RHOT2: variants seen among roughly 807,000 people sequenced by gnomAD.
The protein encoded by RHOT2 is ras homolog family member T2.
In RHOT2, 90 loss-of-function variants were observed where a neutral mutation model predicts 81.6. The ratio of observed to expected loss-of-function variants is 1.10; its 90% CI spans 0.93 to 1.31. The LOEUF (loss-of-function observed/expected upper bound fraction) is 1.31. Ranked by LOEUF, RHOT2 falls within the 40% of genes most tolerant of loss-of-function variation. RHOT2 has a pLI of 0.00. For missense variants in RHOT2, 1,014 were observed against 841.9 expected (o/e 1.20, Z -2.53); for synonymous variants, 512 against 370.9 (o/e 1.38, Z -4.37).
intron 11 of RHOT2, chr16:671,434 A>C: frequency 1.4e-6 from 1 of 704,796 alleles, no homozygotes; most frequent in Admixed American, 3.1e-5. Flanking sequence ...GCCCTTTGCC[A>C]ACCCCGCTCG....
Position 668,529 on chromosome 16 carries a change from C to T in RHOT2, c.138C>T (p.Val46=). The change falls in exon 3 of 19, where the codon GTC becomes GTT. Residue 46 remains valine, a synonymous_variant. Transcript: ENST00000315082. ...RAEEITIPAD[V]TPEKVPTHIV... ...AGGAGATCACCATCCCCGCGGACGT[C>T]ACCCCGGAGAAGGTGCCCACCCACA... The T allele has an allele frequency of 6.2e-7, 1 of 1,610,180 alleles. No homozygotes were observed. The highest frequency in any genetic ancestry group is 1.3e-5 in the African/African-American group (1 of 74,800).
In RHOT2 at chr16:673,179, G is replaced by A. The variant is rs758749544; in HGVS notation, c.1730+49G>A. On this transcript the variant is annotated intron_variant, in intron 18 of 18. Coordinates refer to ENST00000315082, the MANE Select transcript of RHOT2 (RefSeq NM_138769.3). Reference sequence around the variant, plus strand: ...TGGGGACTAGCAGTGTCTGTCATCCGAGCAGTGGGCAGCGGTGGTGTCAGG... The same window carrying A: ...TGGGGACTAGCAGTGTCTGTCATCCAAGCAGTGGGCAGCGGTGGTGTCAGG... 35 of 1,575,262 alleles carry A rather than the reference G, an allele frequency of 2.2e-5. No homozygotes were observed. The South Asian group carries it at 2.2e-4, about 10-fold the overall frequency.
rs2038359852 is a variant in RHOT2 at position 668,704 on chromosome 16, C to T, written c.222+5C>T. Reference sequence around the variant, plus strand: ...CTGCGGGAGGAGATCCACAAGGTACCCGTGGTGCGCGGGACGAGGGAGGGG... The same window carrying T: ...CTGCGGGAGGAGATCCACAAGGTACTCGTGGTGCGCGGGACGAGGGAGGGG... On this transcript the variant is annotated splice_donor_5th_base_variant and intron_variant, in intron 4 of 18. Transcript: ENST00000315082. 7.5e-6 allele frequency: 12 copies of T among 1,593,672 alleles called. No homozygotes were observed. The highest frequency in any genetic ancestry group is 2.3e-5 in the South Asian group (2 of 88,548).
In RHOT2 at chr16:670,051, CAGGCTCATGCTCCAGCT is replaced by C; in HGVS notation, c.277-71_277-55del. The C allele has an allele frequency of 2.8e-6, 4 of 1,411,658 alleles. No individual in the cohort carries two copies. The South Asian group carries it at 5.5e-5, about 19-fold the overall frequency. 87.4% of individuals were successfully genotyped at this position (1,411,658 alleles called of 1,614,324 possible). ...CCTCCCCCTTCTGCTCTCCCCCAGC[CAGGCTCATGCTCCAGCT>C]GGGAGCCATGTGCCCGCGGGCAGCC... On this transcript the variant is annotated intron_variant, in intron 5 of 18. Coordinates refer to ENST00000315082, the MANE Select transcript of RHOT2 (RefSeq NM_138769.3).
intron 4 of RHOT2, chr16:668,913 C>T: frequency 1.8e-6 from 1 of 541,296 alleles, no homozygotes; most frequent in Non-Finnish European, 3.2e-6. Context: ...CAGGACCCTT[C>T]CCCGCGGGCT....
chr16:668,722 G>A (rs1406939489), intron 4 of RHOT2, 23 bp downstream of exon 4: 5 of 1,575,816 alleles, frequency 3.2e-6, no homozygotes, highest in African/African-American at 1.4e-5. Flanking sequence ...CGCGGGACGA[G>A]GGAGGGGCTG....
Position 672,502 on chromosome 16 carries a change from G to A in RHOT2, c.1340G>A (p.Arg447Lys), listed in dbSNP as rs759571320. Reference sequence around the variant, plus strand: ...CACCTCCCTCAGCACCAGGACACGAGGGAGCAGCCTCCCGGCTACGCCATC... The same window carrying A: ...CACCTCCCTCAGCACCAGGACACGAAGGAGCAGCCTCCCGGCTACGCCATC... ...LGRGLGHQDT[R>K]EQPPGYAIDT... The change falls in exon 16 of 19, where the codon AGG (arginine) becomes AAG (lysine). Residue 447 changes from arginine to lysine, a missense_variant. Arg to Lys is a conservative substitution (Grantham distance 26). Coordinates refer to ENST00000315082, the MANE Select transcript of RHOT2 (RefSeq NM_138769.3). The A allele has an allele frequency of 1.2e-6, 2 of 1,612,588 alleles. No individual in the cohort carries two copies. The highest frequency in any genetic ancestry group is 1.1e-5 in the South Asian group (1 of 91,082).
In RHOT2 at chr16:671,719, A is replaced by C; in HGVS notation, c.892A>C (p.Ser298Arg). 2 of 1,612,364 alleles carry C rather than the reference A, an allele frequency of 1.2e-6. No homozygotes were observed. The highest frequency in any genetic ancestry group is 1.7e-6 in the Non-Finnish European group (2 of 1,179,702). Residue 298 changes from serine to arginine, a missense_variant, in exon 12 of 19, where the codon AGC (serine) becomes CGC (arginine). Ser to Arg is a moderately radical substitution (Grantham distance 110). Coordinates refer to ENST00000315082, the MANE Select transcript of RHOT2 (RefSeq NM_138769.3). ...CAGGATCCACGTGCCCCCCGGCTGC[A>C]GCACGGAGCTCAACCACCTTGGCTA... ...SPLIHVPPGC[S>R]TELNHLGYQF...
chr16:671,242 G>A (rs752355363), intron 11 of RHOT2, 39 bp downstream of exon 11: 2 of 1,516,186 alleles, frequency 1.3e-6, no homozygotes, highest in Non-Finnish European at 1.8e-6. Flanking sequence ...CCTCCCCGAG[G>A]GTCAGGAGCT....
rs774160110 is a variant in RHOT2, at chr16:673,041, G to C, written c.1641G>C (p.Arg547=). The C allele has an allele frequency of 2.3e-5, 37 of 1,612,090 alleles. No individual in the cohort carries two copies. The Middle Eastern group carries it at 2.1e-3, about 93-fold the overall frequency. ...CGGCCGAGTTTTGCCGCAAGCACCG[G>C]CTACCCGCTCCCGTGCCGTTCTCCT... is the stretch of plus-strand genomic sequence containing the variant. ...PSPAEFCRKH[R]LPAPVPFSCA... Residue 547 remains arginine, a synonymous_variant, in exon 18 of 19, where the codon CGG becomes CGC. Coordinates refer to ENST00000315082, the MANE Select transcript of RHOT2 (RefSeq NM_138769.3).
chr16:669,489 C>T lies in RHOT2; in HGVS notation c.223-64C>T, dbSNP rs534159522. ...CCTGGAGCCTCGAGATGGCGTGGAA[C>T]GGCCAGGGTCGTCGGTGGTGAGCCA... On this transcript the variant is annotated intron_variant, in intron 4 of 18. Coordinates refer to ENST00000315082, the MANE Select transcript of RHOT2 (RefSeq NM_138769.3). The T allele has an allele frequency of 1.3e-4, 198 of 1,543,560 alleles. 1 individual carries two copies. The East Asian group carries it at 3.9e-3, about 31-fold the overall frequency.
intron 4 of RHOT2, chr16:669,337 G>T: frequency 5.0e-6 from 3 of 595,864 alleles, no homozygotes; most frequent in South Asian, 3.9e-5. Context: ...GGGTTCAGCA[G>T]CAGCTCCCAG....
rs1378499680 is a variant in RHOT2, at chr16:674,061, G to A, written c.*455G>A. The A allele has an allele frequency of 2.0e-5, 5 of 246,662 alleles. No homozygotes were observed. The highest frequency in any genetic ancestry group is 5.3e-5 in the Admixed American group (1 of 19,010). 15.3% of individuals were successfully genotyped at this position (246,662 alleles called of 1,614,324 possible). A position where few individuals can be genotyped will look rare whatever the true frequency, so the allele number is the denominator to read the frequency against. ...GGGGTCCCCCCTCAAGTTTGGAGCCGTTTCCGTGGTTGTAGCAGAGGACCG... is the reference window on the plus strand; with the variant it reads ...GGGGTCCCCCCTCAAGTTTGGAGCCATTTCCGTGGTTGTAGCAGAGGACCG... On this transcript the variant is annotated 3_prime_UTR_variant, in exon 19 of 19. Coordinates refer to ENST00000315082, the MANE Select transcript of RHOT2 (RefSeq NM_138769.3).
intron 11 of RHOT2, 100 bp downstream of exon 11, chr16:671,303 GCCCT>G: frequency 6.8e-7 from 1 of 1,466,078 alleles, no homozygotes; most frequent in Non-Finnish European, 9.0e-7. Context: ...TTTGAGGCCT[GCCCT>G]CCCTGAGGGT....
rs137928408 is a variant in RHOT2 at position 673,047 on chromosome 16, C to G, written c.1647C>G (p.Pro549=). ...AGTTTTGCCGCAAGCACCGGCTACC[C>G]GCTCCCGTGCCGTTCTCCTGTGCTG... ...PAEFCRKHRL[P]APVPFSCAGP... The change falls in exon 18 of 19, where the codon CCC becomes CCG. Residue 549 remains proline (P), a synonymous_variant. Coordinates refer to ENST00000315082, the MANE Select transcript of RHOT2 (RefSeq NM_138769.3). 4.1e-4 allele frequency: 666 copies of G among 1,611,894 alleles called. 1 individual carries two copies. The highest frequency in any genetic ancestry group is 5.4e-4 in the Non-Finnish European group (639 of 1,179,944).
At position 671,778 on chromosome 16, in the gene RHOT2, C is replaced by T; in HGVS notation, c.951C>T (p.Asp317=). 1 of 1,612,132 alleles carries T rather than the reference C, an allele frequency of 6.2e-7. No homozygotes were observed. The highest frequency in any genetic ancestry group is 8.5e-7 in the Non-Finnish European group (1 of 1,179,628). Residue 317 remains aspartate, a synonymous_variant, in exon 12 of 19, where the codon GAC becomes GAT. Coordinates refer to ENST00000315082, the MANE Select transcript of RHOT2 (RefSeq NM_138769.3). ...QFVQRVFEKH[D]QDRDGALSPV... is the part of the protein sequence containing the mutation. ...TGCAGAGAGTGTTTGAGAAGCACGA[C>T]CAGGTGAGAGCATGGCGAGTCCCCT...
At chr16:669,412 G>C (rs569314082) in intron 4 of RHOT2, 141 bp from the exon 5 acceptor site, 6 of 775,684 alleles carry the variant, frequency 7.7e-6, no homozygotes, top group African/African-American at 1.7e-5. Context: ...GGAAGGCTGG[G>C]CTTTCCCGGC....
In RHOT2 at chr16:672,728, TGCTGGCCACATC is replaced by T; in HGVS notation, c.1436_1447del (p.Ala479_Leu482del). 6.2e-7 allele frequency: 1 copy of T among 1,612,510 alleles called. No homozygotes were observed. The highest frequency in any genetic ancestry group is 1.1e-5 in the South Asian group (1 of 91,086). On this transcript the variant is annotated inframe_deletion, in exon 17 of 19. Coordinates refer to ENST00000315082, the MANE Select transcript of RHOT2 (RefSeq NM_138769.3). Reference sequence around the variant, plus strand: ...CTCTGTGAGGTGGGCACAGATGGTCTGCTGGCCACATCGCTGGACGCCACCTGTGACGTTGCC... The same window carrying T: ...CTCTGTGAGGTGGGCACAGATGGTCTGCTGGACGCCACCTGTGACGTTGCC...
chr16:671,993 GC>G lies in RHOT2; in HGVS notation c.1090del (p.Gln364SerfsTer5). 1 of 1,611,924 alleles carries G rather than the reference GC, an allele frequency of 6.2e-7. No individual in the cohort carries two copies. The highest frequency in any genetic ancestry group is 8.5e-7 in the Non-Finnish European group (1 of 1,179,648). ...CGGTTGCCCCTGCACGGATACCTCT[GC>G]CAGTGGACGTAAGTGCGGCCCACAC... ...AGRLPLHGYL[C>X]QWTLVTYLDV... is the part of the protein sequence containing the mutation. On this transcript the variant is annotated frameshift_variant, in exon 13 of 19. Coordinates refer to ENST00000315082, the MANE Select transcript of RHOT2 (RefSeq NM_138769.3). LOFTEE classifies it high-confidence loss of function.
Sources: allele counts gnomAD v4.1 joint callset, GRCh38; gene constraint gnomAD v4.1.1; transcripts MANE v1.5; gene names NCBI Gene and HGNC (gene_info 2026-07-23, HGNC 2026-07-21).